P3H2: variants seen among roughly 807,000 people sequenced by gnomAD.
P3H2 encodes leprecan-like 1.
Under a neutral mutation model 87.0 loss-of-function variants are expected in P3H2, and 80 were observed. The observed-to-expected ratio is 0.92, with a 90% confidence interval of 0.77 to 1.11. The LOEUF is 1.11. Among genes scored for constraint, P3H2 ranks in the 50% least tolerant of loss-of-function variants. P3H2 has a pLI of 0.00. For synonymous variants in P3H2, 367 were observed against 359.3 expected (o/e 1.02, Z -0.24); for missense variants, 1,001 against 923.9 (o/e 1.08, Z -1.08).
chr3:190,037,489 G>A (rs141858332), intron 1 of P3H2, among the ~76,000 whole-genome samples: 17 of 152,162 alleles, frequency 1.1e-4, no homozygotes, highest in Admixed American at 2.0e-4. Flanking sequence ...ATAAGATACC[G>A]TGGCTCAGAT....
intron 8 of P3H2, among the ~76,000 whole-genome samples, chr3:189,976,727 C>T (rs1162680581): frequency 6.6e-6 from 1 of 152,196 alleles, no homozygotes; most frequent in African/African-American, 2.4e-5. Context: ...AATCCCATGA[C>T]ACCACCTGGC....
chr3:190,121,012 T>C (rs1370798533), upstream of P3H2: 5 of 466,878 alleles, frequency 1.1e-5, no homozygotes, highest in Middle Eastern at 5.6e-4. Flanking sequence ...GCGGCGGGGC[T>C]GCCAGGGGCG....
chr3:190,055,448 T>G (rs1233309888), intron 1 of P3H2, among the ~76,000 whole-genome samples: 1 of 151,706 alleles, frequency 6.6e-6, no homozygotes, highest in Non-Finnish European at 1.5e-5. Flanking sequence ...AAGATTTAAA[T>G]TCATTATAAC....
At chr3:189,984,719 T>C (rs1325057077) in intron 6 of P3H2, 129 bp from the exon 7 acceptor site, 2 of 666,242 alleles carry the variant, frequency 3.0e-6, no homozygotes, top group Non-Finnish European at 5.3e-6. Flanking sequence ...TTGCATATTG[T>C]GTAAAGATAC....
chr3:190,089,869 A>G (rs1727352925), intron 1 of P3H2, among the ~76,000 whole-genome samples: 1 of 152,126 alleles, frequency 6.6e-6, no homozygotes, highest in African/African-American at 2.4e-5. Context: ...TTTTGATCCC[A>G]TATTTAGCTA....
intron 1 of P3H2, among the ~76,000 whole-genome samples, chr3:190,081,044 C>A (rs1232450712): frequency 6.6e-6 from 1 of 152,182 alleles, no homozygotes; most frequent in Non-Finnish European, 1.5e-5. Context: ...TCTGAGCAAA[C>A]CCTTGGCTCT....
At chr3:190,118,246 G>A (rs1402357813) in intron 1 of P3H2, among the ~76,000 whole-genome samples, 1 of 152,026 alleles carries the variant, frequency 6.6e-6, no homozygotes, top group Admixed American at 6.6e-5. Context: ...GTTTTTATAG[G>A]ACTGACCTTG....
intron 1 of P3H2, among the ~76,000 whole-genome samples, chr3:190,063,058 C>G (rs1166945693): frequency 6.6e-6 from 1 of 152,090 alleles, no homozygotes; most frequent in African/African-American, 2.4e-5. Context: ...TTCTATTAAG[C>G]CAGTGTATTT....
intron 3 of P3H2, among the ~76,000 whole-genome samples, chr3:189,990,204 C>A (rs1370670796): frequency 6.6e-6 from 1 of 152,064 alleles, no homozygotes; most frequent in Non-Finnish European, 1.5e-5. Context: ...ACTTGGCTAA[C>A]TGAATCATTT....
chr3:190,100,259 C>T (rs779714262), intron 1 of P3H2, among the ~76,000 whole-genome samples: 1 of 141,614 alleles, frequency 7.1e-6, no homozygotes, highest in African/African-American at 2.7e-5. Context: ...CGCCCCCCCC[C>T]CCAAAAAAAA....
chr3:189,999,346 T>C (rs1724142308), intron 1 of P3H2, among the ~76,000 whole-genome samples: 1 of 152,246 alleles, frequency 6.6e-6, no homozygotes, highest in East Asian at 1.9e-4. Context: ...GCCCTGGCTT[T>C]TAAATTATTG....
rs200992810 is a variant in P3H2 at position 190,108,655 on chromosome 3, GT to G, written c.480+11596del. Among the ~76,000 whole-genome samples, 703 of 151,702 alleles carry G rather than the reference GT, an allele frequency of 4.6e-3. 4 individuals carry two copies. The highest frequency in any genetic ancestry group is 0.016 in the African/African-American group (667 of 41,288). ...TAATATTATAGCTATATACACATTT[GT>G]TTTTTTCAATGGACTGTGACTTACT... On this transcript the variant is annotated intron_variant, in intron 1 of 14. Transcript: ENST00000319332.
In P3H2 at chr3:189,970,818, TCA is replaced by T; in HGVS notation, c.1889_1890del (p.Val630AspfsTer46). On this transcript the variant is annotated frameshift_variant, in exon 13 of 15. Coordinates refer to ENST00000319332, the MANE Select transcript of P3H2 (RefSeq NM_018192.4). LOFTEE classifies it high-confidence loss of function. Reference sequence around the variant, plus strand: ...TATTCAAGAATAGGTTTACTTACAGTCACAGTCTTAGCATCCATCTCTGTGAA... The same window carrying T: ...TATTCAAGAATAGGTTTACTTACAGTCAGTCTTAGCATCCATCTCTGTGAA... ...FIFTEMDAKT[V>X]TASIKPKCGR... is the part of the protein sequence containing the mutation. The T allele has an allele frequency of 6.4e-7, 1 of 1,565,452 alleles. No individual in the cohort carries two copies. Among genetic ancestry groups the T allele is most frequent in the Non-Finnish European group, 8.8e-7 (1 of 1,135,970 alleles).
chr3:190,121,158 C>A (rs753295676), upstream of P3H2: 21 of 167,246 alleles, frequency 1.3e-4, no homozygotes, highest in Non-Finnish European at 2.3e-4. Context: ...GAAAATCCAG[C>A]TTAGCAAGGT....
At chr3:190,111,484 G>C (rs531779611) in intron 1 of P3H2, among the ~76,000 whole-genome samples, 1 of 152,102 alleles carries the variant, frequency 6.6e-6, no homozygotes, top group Non-Finnish European at 1.5e-5. Context: ...TAATGTGGCA[G>C]GGTGCAGCTG....
chr3:190,019,433 A>C (rs186120148), intron 1 of P3H2, among the ~76,000 whole-genome samples: 1 of 152,182 alleles, frequency 6.6e-6, no homozygotes, highest in Non-Finnish European at 1.5e-5. Flanking sequence ...GCATTTATTC[A>C]GTGACATTTA....
chr3:190,052,689 G>GTATA lies in P3H2; in HGVS notation c.481-57251_481-57248dup, dbSNP rs112938637. 3.9e-4 allele frequency among the ~76,000 whole-genome samples: 58 copies of GTATA among 148,506 alleles called. No individual in the cohort carries two copies. The South Asian group carries it at 0.01, about 26-fold the overall frequency. On this transcript the variant is annotated intron_variant, in intron 1 of 14. Coordinates refer to ENST00000319332, the MANE Select transcript of P3H2 (RefSeq NM_018192.4). ...TATATACATATAAATGTGTGTGTGT[G>GTATA]TATATATATATATATATGCATGTGT...
At chr3:190,008,877 T>C (rs1367982669) in intron 1 of P3H2, among the ~76,000 whole-genome samples, 3 of 151,578 alleles carry the variant, frequency 2.0e-5, no homozygotes, top group African/African-American at 7.3e-5. Flanking sequence ...GGGGGTGGGG[T>C]GGGAAATCAG....
intron 1 of P3H2, among the ~76,000 whole-genome samples, chr3:190,082,480 T>C (rs78081626): frequency 3.3e-5 from 5 of 152,222 alleles, no homozygotes; most frequent in African/African-American, 4.8e-5. Flanking sequence ...ATATGATATT[T>C]TGATATATGT....
Sources: allele counts gnomAD v4.1 joint callset (sites outside exome capture counted in the v4.1 genomes callset), GRCh38; gene constraint gnomAD v4.1.1; transcripts MANE v1.5; gene names NCBI Gene and HGNC (gene_info 2026-07-23, HGNC 2026-07-21).